ANKRD6: variants seen among roughly 807,000 people sequenced by gnomAD.
ANKRD6 encodes the protein ankyrin repeat domain-containing protein 6.
Under a neutral mutation model 82.3 loss-of-function variants are expected in ANKRD6, and 56 were observed. That is an observed-to-expected ratio of 0.68 (90% CI 0.55 to 0.85). The LOEUF (loss-of-function observed/expected upper bound fraction) is 0.85. Among genes scored for constraint, ANKRD6 ranks in the 40% least tolerant of loss-of-function variants. The pLI is 0.00. For synonymous variants in ANKRD6, 347 were observed against 352.1 expected (o/e 0.99, Z 0.16); for missense variants, 852 against 907.6 (o/e 0.94, Z 0.79).
intron 6 of ANKRD6, among the ~76,000 whole-genome samples, chr6:89,613,203 A>G (rs1179905): frequency 0.26 from 40,135 of 151,870 alleles, 6,392 homozygotes; most frequent in African/African-American, 0.44. Context: ...TTTTCTTCAT[A>G]CCCTTTTTTT....
In ANKRD6 at chr6:89,458,774, AC is replaced by A. The variant is rs554916330; in HGVS notation, c.-144+25402del. 4.3e-3 allele frequency among the ~76,000 whole-genome samples: 649 copies of A among 152,258 alleles called. 2 individuals are homozygous for A. The highest frequency in any genetic ancestry group is 6.6e-3 in the Admixed American group (101 of 15,288). On this transcript the variant is annotated intron_variant, in intron 1 of 15. Coordinates refer to ENST00000339746, the MANE Select transcript of ANKRD6 (RefSeq NM_001242809.2). ...CCTCTGGCAACACACTCACAGACACACCCAGGAACAATACTTTGCATCCTTC... is the reference window on the plus strand; with the variant it reads ...CCTCTGGCAACACACTCACAGACACACCAGGAACAATACTTTGCATCCTTC...
chr6:89,608,368 C>CACACTA, intron 5 of ANKRD6, among the ~76,000 whole-genome samples: 7 of 130,814 alleles, frequency 5.4e-5, no homozygotes, highest in African/African-American at 2.1e-4. Context: ...CACACACACA[C>CACACTA]TATATATATA....
At chr6:89,563,411 G>T (rs529243660) in intron 1 of ANKRD6, among the ~76,000 whole-genome samples, 1 of 152,298 alleles carries the variant, frequency 6.6e-6, no homozygotes, top group South Asian at 2.1e-4. Context: ...AATGGGCAGC[G>T]TGTTTGCGTT....
rs1807515538 is a variant in ANKRD6, at chr6:89,632,108, A to G, written c.*1104A>G. 1 of 152,242 alleles carries G rather than the reference A, an allele frequency of 6.6e-6. No homozygotes were observed. The highest frequency in any genetic ancestry group is 1.5e-5 in the Non-Finnish European group (1 of 68,048). The allele number at this position is 152,242 out of a possible 1,614,324, so 9.4% of individuals were successfully genotyped here. The stretch of plus-strand genomic sequence containing the variant: ...GGACAAGCTTCTTGTCCTTTGGAAT[A>G]TGGGATTTATATTCATCTCCTCAAT... On this transcript the variant is annotated 3_prime_UTR_variant, in exon 16 of 16. Transcript: ENST00000339746.
chr6:89,513,233 A>G (rs1049570265), intron 1 of ANKRD6, among the ~76,000 whole-genome samples: 8 of 152,170 alleles, frequency 5.3e-5, no homozygotes, highest in African/African-American at 1.9e-4. Flanking sequence ...TTAACTTTCA[A>G]TTAAAATATA....
chr6:89,436,623 A>T (rs754177562), intron 1 of ANKRD6, among the ~76,000 whole-genome samples: 18 of 152,376 alleles, frequency 1.2e-4, no homozygotes, highest in Middle Eastern at 6.8e-3. Context: ...AGTCATACAC[A>T]TGGAGACAGA....
At chr6:89,577,534 G>A (rs2128105908) in intron 2 of ANKRD6, among the ~76,000 whole-genome samples, 1 of 152,152 alleles carries the variant, frequency 6.6e-6, no homozygotes, top group South Asian at 2.1e-4. Flanking sequence ...GCTCCTTAGT[G>A]CCAAGCATTG....
chr6:89,624,168 A>G, intron 12 of ANKRD6, 111 bp downstream of exon 12: 1 of 1,280,570 alleles, frequency 7.8e-7, no homozygotes, highest in East Asian at 2.5e-5. Context: ...TTAGTTGAGC[A>G]CAAGCTTTGA....
At position 89,462,242 on chromosome 6, in the gene ANKRD6, T is replaced by TAATAAA. The variant is rs1562555129; in HGVS notation, c.-144+28872_-144+28873insAAATAA. ...GTGAGACTCCATCTCAAAATAATAA[T>TAATAAA]AATAATAATAATAATAATAATAATA... On this transcript the variant is annotated intron_variant, in intron 1 of 15. Transcript: ENST00000339746. Among the ~76,000 whole-genome samples, 9 of 34,822 alleles carry TAATAAA rather than the reference T, an allele frequency of 2.6e-4. No homozygotes were observed. In the East Asian group the frequency reaches 4.7e-3, roughly 18 times the overall value. The allele number at this position is 34,822 out of a possible 152,430, so 22.8% of individuals were successfully genotyped here.
intron 9 of ANKRD6, chr6:89,621,476 C>A (rs555676978): frequency 1.7e-5 from 3 of 173,218 alleles, no homozygotes; most frequent in Admixed American, 1.1e-4. Flanking sequence ...ACAGTTTGGC[C>A]AAGGGAACAT....
intron 1 of ANKRD6, among the ~76,000 whole-genome samples, chr6:89,550,911 G>A (rs1353719288): frequency 6.6e-6 from 1 of 152,014 alleles, no homozygotes; most frequent in Non-Finnish European, 1.5e-5. Flanking sequence ...AGCAGAGACT[G>A]CACCACTGCA....
intron 9 of ANKRD6, among the ~76,000 whole-genome samples, chr6:89,619,095 G>A (rs1272972828): frequency 1.3e-5 from 2 of 152,090 alleles, no homozygotes; most frequent in Non-Finnish European, 2.9e-5. Flanking sequence ...TTCTGGAAAT[G>A]GTTAAGATTT....
chr6:89,540,297 T>C (rs1202591027), intron 1 of ANKRD6, among the ~76,000 whole-genome samples: 1 of 152,242 alleles, frequency 6.6e-6, no homozygotes, highest in East Asian at 1.9e-4. Flanking sequence ...CAACATTTGT[T>C]ATTGCTTGTC....
chr6:89,568,138 G>C, intron 2 of ANKRD6: 1 of 152,222 alleles, frequency 6.6e-6, no homozygotes, highest in East Asian at 1.9e-4. Flanking sequence ...TGAAGGTGAA[G>C]GGGGCCTTAA....
intron 1 of ANKRD6, among the ~76,000 whole-genome samples, chr6:89,538,672 A>G (rs961810874): frequency 6.6e-6 from 1 of 152,218 alleles, no homozygotes; most frequent in Non-Finnish European, 1.5e-5. Flanking sequence ...GAAGGTGATC[A>G]TAAACAATAG....
Position 89,471,756 on chromosome 6 carries a change from A to G in ANKRD6, c.-144+38381A>G, listed in dbSNP as rs1055699417. Among the ~76,000 whole-genome samples the G allele has an allele frequency of 6.6e-5, 10 of 152,078 alleles. No individual in the cohort carries two copies. In the East Asian group the frequency reaches 1.9e-3, roughly 29 times the overall value. ...TGAGCTTAGCAATGTGGAAAACACCAAGACCTTGATAAGAGCAATTGTAGT... is the reference window on the plus strand; with the variant it reads ...TGAGCTTAGCAATGTGGAAAACACCGAGACCTTGATAAGAGCAATTGTAGT... On this transcript the variant is annotated intron_variant, in intron 1 of 15. Transcript: ENST00000339746.
At chr6:89,587,057 G>C (rs549917736) in intron 2 of ANKRD6, among the ~76,000 whole-genome samples, 6 of 151,958 alleles carry the variant, frequency 3.9e-5, no homozygotes, top group Non-Finnish European at 5.9e-5. Flanking sequence ...GGGGCATGGT[G>C]GTGGGCACCT....
rs529102287 is a variant in ANKRD6 at position 89,606,745 on chromosome 6, A to G, written c.417+640A>G. ...GTGGCTCATGCCTGTAGTCCCAGCTACTTGGGAGGCTGAGGCAGGAGAATC... is the reference window on the plus strand; with the variant it reads ...GTGGCTCATGCCTGTAGTCCCAGCTGCTTGGGAGGCTGAGGCAGGAGAATC... On this transcript the variant is annotated intron_variant, in intron 5 of 15. Transcript: ENST00000339746. Among the ~76,000 whole-genome samples the G allele has an allele frequency of 2.3e-3, 344 of 151,972 alleles. 2 individuals carry two copies. Among genetic ancestry groups the G allele is most frequent in the African/African-American group, 7.2e-3 (298 of 41,428 alleles).
chr6:89,457,790 GT>G (rs1773667889), intron 1 of ANKRD6, among the ~76,000 whole-genome samples: 5 of 152,124 alleles, frequency 3.3e-5, no homozygotes, highest in Admixed American at 3.3e-4. Context: ...TTTTTTCTCA[GT>G]TTTTTGGTCT....
Sources: gnomAD v4.1 joint callset for allele counts (sites outside exome capture counted in the v4.1 genomes callset) on GRCh38, gnomAD v4.1.1 for gene constraint, MANE v1.5 for transcripts, NCBI Gene and HGNC (gene_info 2026-07-23, HGNC 2026-07-21) for gene names.